Variants in MELTF observed in about 807,000 individuals in gnomAD.
MELTF encodes antigen p97 (melanoma associated) identified by monoclonal antibodies 133.2 and 96.5.
In MELTF, 67 loss-of-function variants were observed where a neutral mutation model predicts 83.7. The ratio of observed to expected loss-of-function variants is 0.80; its 90% CI spans 0.66 to 0.98. The LOEUF is 0.98. MELTF is among the 50% of genes least tolerant of loss of function. MELTF has a pLI of 0.00. For synonymous variants in MELTF, 462 were observed against 447.6 expected (o/e 1.03, Z -0.41); for missense variants, 1,002 against 1,035.6 (o/e 0.97, Z 0.44).
Position 197,021,443 on chromosome 3 carries a change from C to T in MELTF, c.673G>A (p.Ala225Thr), listed in dbSNP as rs765348565. ...RCLAEGAGDVAFVKHSTVLEN... is the reference protein window; with the variant it reads ...RCLAEGAGDVTFVKHSTVLEN... ...AGTACCGTGCTGTGCTTCACAAAAG[C>T]CACGTCCCCTGCCCCTTCCGCCAGG... is the stretch of plus-strand genomic sequence containing the variant. Residue 225 changes from alanine to threonine, a missense_variant, in exon 6 of 16, where the codon GCT (alanine) becomes ACT (threonine). Ala to Thr is a moderately conservative substitution (Grantham distance 58). Transcript: ENST00000296350. The T allele has an allele frequency of 2.5e-6, 4 of 1,614,088 alleles. No individual in the cohort carries two copies. Among genetic ancestry groups the T allele is most frequent in the African/African-American group, 2.7e-5 (2 of 75,084 alleles).
At chr3:197,023,390 T>C (rs1007884281) in intron 4 of MELTF, among the ~76,000 whole-genome samples, 2 of 152,208 alleles carry the variant, frequency 1.3e-5, no homozygotes, top group Admixed American at 1.3e-4. Context: ...GATAACTCAG[T>C]ATCAGCCAGA....
At position 197,003,147 on chromosome 3, in the gene MELTF, A is replaced by T; in HGVS notation, c.*225T>A. 1 of 254,850 alleles carries T rather than the reference A, an allele frequency of 3.9e-6. No homozygotes were observed. Among genetic ancestry groups the T allele is most frequent in the Non-Finnish European group, 6.1e-6 (1 of 162,622 alleles). The allele number at this position is 254,850 out of a possible 1,614,324, so 15.8% of individuals were successfully genotyped here. On this transcript the variant is annotated 3_prime_UTR_variant, in exon 16 of 16. Transcript: ENST00000296350. This position sits in a 1 kb window ranked among gnomAD's most constrained non-coding sequence, Gnocchi z 6.2. ...CCTCCGGCGCGGCCCGCGCGGCTCC[A>T]GGTGGCGGGAGGCGGCGGTTGGCGG...
Position 197,006,487 on chromosome 3 carries a change from C to A in MELTF, c.1938+62G>T. 1 of 1,496,114 alleles carries A rather than the reference C, an allele frequency of 6.7e-7. No individual in the cohort carries two copies. The allele number at this position is 1,496,114 out of a possible 1,614,324, so 92.7% of individuals were successfully genotyped here. The stretch of plus-strand genomic sequence containing the variant: ...GTCTGCTCCAGGTAGACTGAGGCCT[C>A]CCAGGGGCTCAGCTTACCTCTGCTG... On this transcript the variant is annotated intron_variant, in intron 14 of 15. Transcript: ENST00000296350. This position sits in a 1 kb window ranked among gnomAD's most constrained non-coding sequence, Gnocchi z 5.4.
chr3:197,017,705 A>C (rs140103648), intron 6 of MELTF, among the ~76,000 whole-genome samples: 3 of 151,968 alleles, frequency 2.0e-5, no homozygotes, highest in East Asian at 1.9e-4. Flanking sequence ...GTGAAACCCC[A>C]TCTCTACTAA....
Position 197,015,453 on chromosome 3 carries a change from A to T in MELTF, c.1145T>A (p.Met382Lys). 6.2e-7 allele frequency: 1 copy of T among 1,609,388 alleles called. No individual in the cohort carries two copies. The change falls in exon 9 of 16, where the codon ATG (methionine) becomes AAG (lysine). Residue 382 changes from methionine (M) to lysine (K), a missense_variant. Coordinates refer to ENST00000296350, the MANE Select transcript of MELTF (RefSeq NM_005929.6). ...CCGCTGCCGGCGGAAGGCCACGGCC[A>T]TGTCTCCACACTTCTGGATCTCGGG... ...STPEIQKCGD[M>K]AVAFRRQRLK...
intron 6 of MELTF, among the ~76,000 whole-genome samples, chr3:197,018,778 T>C (rs1484048074): frequency 1.3e-5 from 2 of 152,232 alleles, no homozygotes; most frequent in Non-Finnish European, 2.9e-5. Context: ...GTTAAGGACA[T>C]AGTTGACAGG....
chr3:197,024,204 G>A lies in MELTF; in HGVS notation c.487+99C>T, dbSNP rs1163050744. The A allele has an allele frequency of 2.7e-5, 36 of 1,310,412 alleles. No homozygotes were observed. The highest frequency in any genetic ancestry group is 9.9e-5 in the South Asian group (7 of 70,628). The allele number at this position is 1,310,412 out of a possible 1,614,324, so 81.2% of individuals were successfully genotyped here. Reference sequence around the variant, plus strand: ...GCGCCTTCCAGGAATGAAGAATGGTGGCGAGGCCGGAGGGAGGCTACCCAG... The same window carrying A: ...GCGCCTTCCAGGAATGAAGAATGGTAGCGAGGCCGGAGGGAGGCTACCCAG... On this transcript the variant is annotated intron_variant, in intron 4 of 15. Transcript: ENST00000296350. This position sits in a 1 kb window ranked among gnomAD's most constrained non-coding sequence, Gnocchi z 5.3.
In MELTF at chr3:197,010,708, C is replaced by G. The variant is rs1002308974; in HGVS notation, c.1320G>C (p.Glu440Asp). Residue 440 changes from glutamate to aspartate, a missense_variant, in exon 10 of 16, where the codon GAG (glutamate) becomes GAC (aspartate). Glu to Asp is a conservative substitution (Grantham distance 45). Coordinates refer to ENST00000296350, the MANE Select transcript of MELTF (RefSeq NM_005929.6). ...KTYGLVPAAG[E>D]HYAPEDSSNS... ...AGGCCCTGCACTCACGGGCATAGTG[C>G]TCCCCGGCTGCGGGAACCAGGCCGT... The G allele has an allele frequency of 6.2e-7, 1 of 1,612,912 alleles. No homozygotes were observed. The highest frequency in any genetic ancestry group is 1.3e-5 in the African/African-American group (1 of 74,938).
chr3:197,003,493 G>A lies in MELTF; in HGVS notation c.2138-42C>T, dbSNP rs1396283088. 6 of 924,730 alleles carry A rather than the reference G, an allele frequency of 6.5e-6. No individual in the cohort carries two copies. In the African/African-American group the frequency reaches 1.1e-4, roughly 17 times the overall value. The allele number at this position is 924,730 out of a possible 1,614,324, so 57.3% of individuals were successfully genotyped here. ...CGGGTCAGGCCCCGAAGCCCGGGCC[G>A]CGGTGGCCGCCTCAGGCGCCCGCTC... is the stretch of plus-strand genomic sequence containing the variant. On this transcript the variant is annotated intron_variant, in intron 15 of 15. Transcript: ENST00000296350. This position sits in a 1 kb window ranked among gnomAD's most constrained non-coding sequence, Gnocchi z 6.2.
At chr3:197,009,478 C>T in intron 11 of MELTF, 140 bp downstream of exon 11, 1 of 772,006 alleles carries the variant, frequency 1.3e-6, no homozygotes, top group Middle Eastern at 3.7e-4. Context: ...TCCTTCTGTC[C>T]CCAGCTTATG....
intron 6 of MELTF, among the ~76,000 whole-genome samples, chr3:197,017,938 C>A (rs1399142593): frequency 3.3e-5 from 5 of 152,130 alleles, no homozygotes; most frequent in African/African-American, 1.2e-4. Flanking sequence ...GATGAGCTTG[C>A]GGCTGCCATG....
intron 1 of MELTF, chr3:197,028,267 C>T (rs537371784): frequency 2.2e-5 from 5 of 226,160 alleles, no homozygotes; most frequent in African/African-American, 1.1e-4. Flanking sequence ...CTTCCCCTCT[C>T]CAGGCCTCCC....
intron 2 of MELTF, among the ~76,000 whole-genome samples, chr3:197,027,335 A>T (rs1719896978): frequency 6.6e-6 from 1 of 152,258 alleles, no homozygotes; most frequent in Non-Finnish European, 1.5e-5. Context: ...AGTTCTCAGC[A>T]GACCTGCTCT....
Position 197,016,310 on chromosome 3 carries a change from C to T in MELTF, c.960G>A (p.Gln320=). 6.2e-7 allele frequency: 1 copy of T among 1,612,688 alleles called. No homozygotes were observed. The highest frequency in any genetic ancestry group is 8.5e-7 in the Non-Finnish European group (1 of 1,179,210). Residue 320 remains glutamine (Q), a synonymous_variant, in exon 8 of 16, where the codon CAG becomes CAA. Transcript: ENST00000296350. Reference sequence around the variant, plus strand: ...TAGAGTCTTTGAAGAGTAGATCCTTCTGGCCATAGGCCTCAGAGCTGAACA... The same window carrying T: ...TAGAGTCTTTGAAGAGTAGATCCTTTTGGCCATAGGCCTCAGAGCTGAACA... ...FQMFSSEAYG[Q]KDLLFKDSTS...
At position 197,017,339 on chromosome 3, in the gene MELTF, C is replaced by T. The variant is rs143316846; in HGVS notation, c.713-49G>A. 1.5e-4 allele frequency: 211 copies of T among 1,450,474 alleles called. 1 individual carries two copies. In the African/African-American group the frequency reaches 2.2e-3, roughly 15 times the overall value. 89.9% of individuals were successfully genotyped at this position (1,450,474 alleles called of 1,614,324 possible). ...GAGCCAGCTCCGAAAGGGGTTGGGG[C>T]GGGTGGCGGGGAAGGCCCAGGAGAG... On this transcript the variant is annotated intron_variant, in intron 6 of 15. Coordinates refer to ENST00000296350, the MANE Select transcript of MELTF (RefSeq NM_005929.6).
At chr3:197,020,664 G>GT (rs1719582735) in intron 6 of MELTF, among the ~76,000 whole-genome samples, 1 of 151,806 alleles carries the variant, frequency 6.6e-6, no homozygotes, top group Non-Finnish European at 1.5e-5. Flanking sequence ...AGTCTTTGTG[G>GT]GTTTTTTTTT....
chr3:197,024,258 G>T lies in MELTF; in HGVS notation c.487+45C>A, dbSNP rs1394176357. On this transcript the variant is annotated intron_variant, in intron 4 of 15. Transcript: ENST00000296350. This position sits in a 1 kb window ranked among gnomAD's most constrained non-coding sequence, Gnocchi z 5.3. ...AGGGACGAGCATGGGCCAAGGAAAG[G>T]AGGGGGAGGCCTGGGGACCCTCCTG... The T allele has an allele frequency of 6.6e-7, 1 of 1,512,666 alleles. No homozygotes were observed. The highest frequency in any genetic ancestry group is 1.4e-5 in the African/African-American group (1 of 71,658). 93.7% of individuals were successfully genotyped at this position (1,512,666 alleles called of 1,614,324 possible).
At position 197,003,824 on chromosome 3, in the gene MELTF, C is replaced by A; in HGVS notation, c.2137+77G>T. The stretch of plus-strand genomic sequence containing the variant: ...CACCCGCCTCCCCGGACCCGCAGCG[C>A]CCCCCGCTCCCTCAGGGTTCTGGGG... On this transcript the variant is annotated intron_variant, in intron 15 of 15. Transcript: ENST00000296350. The surrounding 1 kb of genome is among the most constrained non-coding windows in gnomAD (Gnocchi z 6.2). 1.4e-6 allele frequency: 2 copies of A among 1,478,980 alleles called. No homozygotes were observed. The highest frequency in any genetic ancestry group is 1.2e-5 in the South Asian group (1 of 81,446). The allele number at this position is 1,478,980 out of a possible 1,614,324, so 91.6% of individuals were successfully genotyped here. A position where few individuals can be genotyped will look rare whatever the true frequency, so the allele number is the denominator to read the frequency against.
At chr3:197,019,628 T>A in intron 6 of MELTF, 2 of 1,610,622 alleles carry the variant, frequency 1.2e-6, no homozygotes, top group Non-Finnish European at 1.7e-6. Flanking sequence ...TCCCTACTCT[T>A]TGCCCGTTTT....
Sources: gnomAD v4.1 joint callset for allele counts (sites outside exome capture counted in the v4.1 genomes callset) on GRCh38, gnomAD v4.1.1 for gene constraint, Gnocchi (gnomAD v3.1) non-coding constraint, MANE v1.5 for transcripts, NCBI Gene and HGNC (gene_info 2026-07-23, HGNC 2026-07-21) for gene names.